Variants in ANKRD18A observed in about 807,000 individuals in gnomAD.
ANKRD18A encodes ankyrin repeat domain 18A, also known as ankyrin repeat domain-containing protein 18A.
Under a neutral mutation model 110.6 loss-of-function variants are expected in ANKRD18A, and 72 were observed. The observed-to-expected ratio is 0.65, with a 90% CI of 0.54 to 0.79. The LOEUF (loss-of-function observed/expected upper bound fraction) is 0.79. Ranked by LOEUF, ANKRD18A falls within the 30% of genes least tolerant of loss-of-function variation. ANKRD18A has a pLI of 0.00. For synonymous variants in ANKRD18A, 305 were observed against 410.3 expected (o/e 0.74, Z 3.10); for missense variants, 934 against 1,163.3 (o/e 0.80, Z 2.87).
chr9:38,602,369 C>T (rs1435093597), intron 7 of ANKRD18A, among the ~76,000 whole-genome samples: 2 of 152,046 alleles, frequency 1.3e-5, no homozygotes, highest in African/African-American at 4.8e-5. Context: ...AGGCAGAGGG[C>T]AGGAAAGATA....
chr9:38,576,406 T>C (rs1254923475), intron 14 of ANKRD18A, among the ~76,000 whole-genome samples: 1 of 152,152 alleles, frequency 6.6e-6, no homozygotes, highest in Admixed American at 6.5e-5. Flanking sequence ...GTGGGGCTTG[T>C]TCTTTCTGCC....
chr9:38,590,927 T>C (rs1212670645), intron 10 of ANKRD18A, among the ~76,000 whole-genome samples: 2 of 152,180 alleles, frequency 1.3e-5, no homozygotes, highest in Non-Finnish European at 2.9e-5. Flanking sequence ...AATAATTCTA[T>C]GCCTGATGTC....
intron 8 of ANKRD18A, among the ~76,000 whole-genome samples, chr9:38,599,263 C>T (rs1343139675): frequency 9.2e-5 from 14 of 152,132 alleles, no homozygotes; most frequent in Non-Finnish European, 8.8e-5. Context: ...TCTGTTCAGC[C>T]AATGCCTAGA....
intron 7 of ANKRD18A, among the ~76,000 whole-genome samples, chr9:38,601,498 A>T (rs1249917661): frequency 1.3e-5 from 2 of 152,204 alleles, no homozygotes. Context: ...AAAATTTAAA[A>T]ATACAGTAAA....
intron 5 of ANKRD18A, among the ~76,000 whole-genome samples, chr9:38,608,670 A>G (rs1050335825): frequency 6.8e-6 from 1 of 146,888 alleles, no homozygotes; most frequent in African/African-American, 2.5e-5. Context: ...AAAAATTTAA[A>G]ATAACATAAA....
At chr9:38,577,371 G>A (rs1823941782) in intron 13 of ANKRD18A, 107 bp from the exon 14 acceptor site, 1 of 1,108,120 alleles carries the variant, frequency 9.0e-7, no homozygotes, top group South Asian at 1.6e-5. Flanking sequence ...TTTTGAGTAT[G>A]TTGAAAAGAG....
At chr9:38,577,735 T>C in intron 13 of ANKRD18A, 132 bp downstream of exon 13, 9 of 1,052,194 alleles carry the variant, frequency 8.6e-6, no homozygotes, top group African/African-American at 5.1e-5. Flanking sequence ...TCACTTTTTT[T>C]CTAGAACTCT....
At chr9:38,583,830 T>C (rs182690190) in intron 12 of ANKRD18A, among the ~76,000 whole-genome samples, 1,923 of 152,312 alleles carry the variant, frequency 0.013, 42 homozygotes, top group African/African-American at 0.043. Flanking sequence ...CTGATACTGA[T>C]AGAAGCAGGA....
At chr9:38,577,352 G>A (rs13299741) in intron 13 of ANKRD18A, 88 bp from the exon 14 acceptor site, 9 of 1,333,738 alleles carry the variant, frequency 6.7e-6, no homozygotes, top group African/African-American at 3.0e-5. Context: ...TCAGTGATTC[G>A]AAGAGCAATT....
intron 1 of ANKRD18A, among the ~76,000 whole-genome samples, chr9:38,617,418 C>T (rs1214500650): frequency 2.0e-5 from 3 of 152,052 alleles, no homozygotes; most frequent in African/African-American, 4.8e-5. Flanking sequence ...CCAGCATAGG[C>T]GACAGAGTGA....
chr9:38,581,181 G>A (rs1824145596), intron 12 of ANKRD18A, among the ~76,000 whole-genome samples: 1 of 152,138 alleles, frequency 6.6e-6, no homozygotes, highest in Non-Finnish European at 1.5e-5. Flanking sequence ...GAGACAACAG[G>A]AAACAACTTA....
At chr9:38,589,683 C>T (rs1824552529) in intron 10 of ANKRD18A, among the ~76,000 whole-genome samples, 1 of 152,220 alleles carries the variant, frequency 6.6e-6, no homozygotes, top group Non-Finnish European at 1.5e-5. Context: ...TTCTGCAACA[C>T]CACCTCACCC....
chr9:38,607,909 A>T (rs1032185918), intron 5 of ANKRD18A, among the ~76,000 whole-genome samples: 2 of 152,238 alleles, frequency 1.3e-5, no homozygotes, highest in Non-Finnish European at 1.5e-5. Context: ...ACATGTTTAA[A>T]TGTTCAGAGA....
At chr9:38,577,408 A>T in intron 13 of ANKRD18A, 144 bp from the exon 14 acceptor site, 1 of 807,978 alleles carries the variant, frequency 1.2e-6, no homozygotes, top group Non-Finnish European at 1.9e-6. Context: ...TTTATCAGCA[A>T]TATCAACAAA....
intron 8 of ANKRD18A, 96 bp from the exon 9 acceptor site, chr9:38,596,499 T>C: frequency 1.8e-6 from 2 of 1,126,292 alleles, no homozygotes; most frequent in Non-Finnish European, 2.4e-6. Context: ...ATTCATGCAA[T>C]TAAAAGTTGC....
At chr9:38,585,545 G>T (rs1339703376) in intron 12 of ANKRD18A, among the ~76,000 whole-genome samples, 2 of 152,148 alleles carry the variant, frequency 1.3e-5, no homozygotes, top group Non-Finnish European at 2.9e-5. Flanking sequence ...CAGGGCCACA[G>T]TCACCATACT....
intron 12 of ANKRD18A, among the ~76,000 whole-genome samples, chr9:38,582,542 C>G (rs1824208502): frequency 6.6e-6 from 1 of 152,072 alleles, no homozygotes; most frequent in Admixed American, 6.6e-5. Context: ...TAAACCTGCA[C>G]ATTTACAGTC....
At chr9:38,614,309 G>A (rs1407918207) in intron 3 of ANKRD18A, among the ~76,000 whole-genome samples, 2 of 133,878 alleles carry the variant, frequency 1.5e-5, no homozygotes, top group African/African-American at 5.5e-5. Context: ...GTTTCACCAT[G>A]TTAGCCAGGA....
intron 7 of ANKRD18A, among the ~76,000 whole-genome samples, 182 bp downstream of exon 7, chr9:38,602,977 T>C (rs1344985110): frequency 1.3e-5 from 2 of 152,168 alleles, no homozygotes; most frequent in African/African-American, 4.8e-5. Context: ...ACACCAATAT[T>C]TTCAAATGAA....
Sources: gnomAD v4.1 joint callset for allele counts (sites outside exome capture counted in the v4.1 genomes callset) on GRCh38, gnomAD v4.1.1 for gene constraint, MANE v1.5 for transcripts, NCBI Gene and HGNC (gene_info 2026-07-23, HGNC 2026-07-21) for gene names.